Variants in MCM9 observed in about 807,000 individuals in gnomAD.
The protein encoded by MCM9 is DNA helicase MCM9.
A neutral mutation model predicts 72.8 loss-of-function variants in MCM9; 55 were observed. The ratio of observed to expected loss-of-function variants is 0.76; its 90% CI spans 0.61 to 0.95. The LOEUF (loss-of-function observed/expected upper bound fraction) is 0.95. Among genes scored for constraint, MCM9 ranks in the 40% least tolerant of loss-of-function variants. The pLI is 0.00. For missense variants in MCM9, 1,279 were observed against 1,377.0 expected, an observed-to-expected ratio of 0.93 and a Z score of 1.13; for synonymous variants, 480 against 503.4, an observed-to-expected ratio of 0.95 and a Z score of 0.62.
At chr6:118,903,057 A>T (rs1030777211) in intron 8 of MCM9, among the ~76,000 whole-genome samples, 1 of 152,210 alleles carries the variant, frequency 6.6e-6, no homozygotes, top group Admixed American at 6.5e-5. Context: ...GCTCAAACTG[A>T]ATCTTTTTCA....
In MCM9 at chr6:118,931,106, C is replaced by T. The variant is rs569243580; in HGVS notation, c.304+314G>A. On this transcript the variant is annotated intron_variant, in intron 3 of 13. Coordinates refer to ENST00000619706, the MANE Select transcript of MCM9 (RefSeq NM_017696.3). ...TTTCTAATTCTTTGTATTACCAGTTCCTTTATTGTTAGTAACCACAAAAGC... is the reference window on the plus strand; with the variant it reads ...TTTCTAATTCTTTGTATTACCAGTTTCTTTATTGTTAGTAACCACAAAAGC... 9.2e-5 allele frequency among the ~76,000 whole-genome samples: 14 copies of T among 152,264 alleles called. No homozygotes were observed. In the South Asian group the frequency reaches 2.7e-3, roughly 29 times the overall value.
intron 8 of MCM9, among the ~76,000 whole-genome samples, chr6:118,907,146 AATAG>A (rs1780238544): frequency 6.6e-6 from 1 of 152,184 alleles, no homozygotes; most frequent in Non-Finnish European, 1.5e-5. Context: ...ATAGGAGTTA[AATAG>A]TTAAAAAGCC....
At chr6:118,872,725 G>A (rs929452325) in intron 8 of MCM9, among the ~76,000 whole-genome samples, 6 of 151,852 alleles carry the variant, frequency 4.0e-5, no homozygotes, top group Non-Finnish European at 8.8e-5. Context: ...CACTTAGAGC[G>A]ACATTAGTGC....
chr6:118,866,961 C>A (rs1777254448), intron 8 of MCM9, among the ~76,000 whole-genome samples: 1 of 151,960 alleles, frequency 6.6e-6, no homozygotes, highest in African/African-American at 2.4e-5. Flanking sequence ...AGAACCTTCT[C>A]ATAAGACTAT....
chr6:118,910,073 C>G (rs761890016), intron 8 of MCM9, among the ~76,000 whole-genome samples: 1 of 140,784 alleles, frequency 7.1e-6, no homozygotes, highest in Non-Finnish European at 1.5e-5. Flanking sequence ...GCTGAGATTG[C>G]ATCACTGCAC....
intron 9 of MCM9, among the ~76,000 whole-genome samples, chr6:118,842,711 G>A (rs1259797803): frequency 6.6e-6 from 1 of 151,970 alleles, no homozygotes; most frequent in African/African-American, 2.4e-5. Flanking sequence ...GAAGAAAAGG[G>A]GTCTCATTAT....
chr6:118,917,812 A>G (rs1197413840), intron 5 of MCM9, 51 bp from the exon 6 acceptor site: 1 of 1,494,450 alleles, frequency 6.7e-7, no homozygotes, highest in Non-Finnish European at 9.3e-7. Flanking sequence ...CATGCTGAGC[A>G]CAGACTCAAA....
chr6:118,916,432 CATTATTATTATTATT>C (rs60745084), intron 6 of MCM9, among the ~76,000 whole-genome samples: 34,849 of 142,320 alleles, frequency 0.24, 4,665 homozygotes, highest in African/African-American at 0.35. Context: ...GAAATGGAAG[CATTATTATTATTATT>C]ATTATTATTA....
chr6:118,862,322 C>T (rs964633498), intron 8 of MCM9, among the ~76,000 whole-genome samples: 24 of 152,342 alleles, frequency 1.6e-4, no homozygotes, highest in African/African-American at 4.8e-4. Flanking sequence ...CTCCATGGAG[C>T]GTACAGCCCT....
intron 8 of MCM9, among the ~76,000 whole-genome samples, chr6:118,871,363 T>C (rs1457284417): frequency 3.9e-5 from 6 of 152,118 alleles, no homozygotes; most frequent in African/African-American, 1.4e-4. Flanking sequence ...ATTAACAAAA[T>C]GAAGGACAAA....
At chr6:118,894,596 C>A (rs1779215239) in intron 8 of MCM9, 1 of 1,292,692 alleles carries the variant, frequency 7.7e-7, no homozygotes, top group African/African-American at 1.5e-5. Flanking sequence ...GGCCGGGCCT[C>A]GCGCTGGGCG....
intron 9 of MCM9, among the ~76,000 whole-genome samples, chr6:118,837,566 T>C (rs536117804): frequency 3.3e-5 from 5 of 152,336 alleles, no homozygotes; most frequent in Admixed American, 1.3e-4. Flanking sequence ...ATTGGTTGCA[T>C]ATATATTCAG....
At chr6:118,887,016 G>A (rs560741326) in intron 8 of MCM9, among the ~76,000 whole-genome samples, 1 of 152,028 alleles carries the variant, frequency 6.6e-6, no homozygotes, top group Non-Finnish European at 1.5e-5. Context: ...AATTAAAGGC[G>A]AACTCATGTT....
rs1038510029 is a variant in MCM9, at chr6:118,885,069, G to A, written c.1150+26581C>T. Among the ~76,000 whole-genome samples the A allele has an allele frequency of 4.6e-5, 7 of 152,118 alleles. No individual in the cohort carries two copies. The South Asian group carries it at 6.2e-4, about 14-fold the overall frequency. On this transcript the variant is annotated intron_variant, in intron 8 of 13. Transcript: ENST00000619706. ...AAATTAGCCAGGCGTGGTGGTGGGCGCCTGTAGTCCCAGCTACTCAGGAGG... is the reference window on the plus strand; with the variant it reads ...AAATTAGCCAGGCGTGGTGGTGGGCACCTGTAGTCCCAGCTACTCAGGAGG...
rs776426031 is a variant in MCM9 at position 118,815,071 on chromosome 6, C to T, written c.3185G>A (p.Cys1062Tyr). Residue 1062 changes from cysteine to tyrosine, a missense_variant, in exon 14 of 14, where the codon TGC becomes TAC. By Grantham distance (194) the Cys-to-Tyr change is radical (BLOSUM62 -2). Coordinates refer to ENST00000619706, the MANE Select transcript of MCM9 (RefSeq NM_017696.3). ...ACTLARLANF[C>Y]FTPPSESKSK... ...TTTGGATTCCGATGGGGGAGTAAAG[C>T]AGAAGTTTGCCAATCTGGCTAATGT... 3.9e-6 allele frequency: 6 copies of T among 1,550,662 alleles called. No homozygotes were observed. The Admixed American group carries it at 1.2e-4, about 30-fold the overall frequency.
intron 8 of MCM9, among the ~76,000 whole-genome samples, chr6:118,862,616 C>A (rs554397588): frequency 9.2e-5 from 14 of 152,262 alleles, no homozygotes; most frequent in African/African-American, 3.4e-4. Flanking sequence ...GAGTCTCATG[C>A]TGCCACTGAT....
At chr6:118,842,223 A>T (rs1226158733) in intron 9 of MCM9, among the ~76,000 whole-genome samples, 1 of 152,222 alleles carries the variant, frequency 6.6e-6, no homozygotes, top group African/African-American at 2.4e-5. Flanking sequence ...AGAAATGTTA[A>T]GTTTTCTCCT....
At chr6:118,829,551 T>C (rs566339840) in intron 9 of MCM9, among the ~76,000 whole-genome samples, 1 of 152,338 alleles carries the variant, frequency 6.6e-6, no homozygotes, top group East Asian at 1.9e-4. Flanking sequence ...CTTAAGGGGC[T>C]TGCAATCTAC....
At position 118,829,153 on chromosome 6, in the gene MCM9, G is replaced by C; in HGVS notation, c.1423C>G (p.Leu475Val). ...AATCGACTTAAGAGTGGGCTGCCGA[G>C]GGCAATGTTCACAGACACGGACTCC... ...PQESVSVNIALGSPLLSRFDL... is the reference protein window; with the variant it reads ...PQESVSVNIAVGSPLLSRFDL... The change falls in exon 10 of 14, where the codon CTC becomes GTC. Residue 475 changes from leucine (L) to valine (V), a missense_variant. Coordinates refer to ENST00000619706, the MANE Select transcript of MCM9 (RefSeq NM_017696.3). The C allele has an allele frequency of 6.4e-7, 1 of 1,550,576 alleles. No individual in the cohort carries two copies. The highest frequency in any genetic ancestry group is 8.7e-7 in the Non-Finnish European group (1 of 1,146,996).
Sources: allele counts gnomAD v4.1 joint callset (sites outside exome capture counted in the v4.1 genomes callset), GRCh38; gene constraint gnomAD v4.1.1; transcripts MANE v1.5; gene names NCBI Gene and HGNC (gene_info 2026-07-23, HGNC 2026-07-21).